The following TRIM24 variants were observed in gnomAD, a reference collection of about 807,000 sequenced individuals.
TRIM24 encodes the protein tripartite motif containing 24.
In TRIM24, 29 loss-of-function variants were observed where a neutral mutation model predicts 123.9. The observed-to-expected ratio is 0.23, with a 90% CI of 0.17 to 0.32. The LOEUF (loss-of-function observed/expected upper bound fraction) is 0.32, where lower values mean the gene tolerates loss of function less well. TRIM24 is among the 10% of genes least tolerant of loss of function. TRIM24 has a pLI of 1.00. For missense variants in TRIM24, 932 were observed against 1,295.3 expected (o/e 0.72, Z 4.31); for synonymous variants, 456 against 461.1 (o/e 0.99, Z 0.14).
At chr7:138,497,393 C>CTTTTTTTTTT (rs869232002) in intron 1 of TRIM24, among the ~76,000 whole-genome samples, 1 of 88,338 alleles carries the variant, frequency 1.1e-5, no homozygotes, top group Non-Finnish European at 2.1e-5. Flanking sequence ...ATTACAATTT[C>CTTTTTTTTTT]TTTTTTTTTT....
At chr7:138,528,536 T>C (rs1006222533) in intron 5 of TRIM24, among the ~76,000 whole-genome samples, 2 of 152,090 alleles carry the variant, frequency 1.3e-5, no homozygotes, top group African/African-American at 4.8e-5. Flanking sequence ...TTTTCTTTAA[T>C]TTCCCACCTC....
intron 7 of TRIM24, among the ~76,000 whole-genome samples, chr7:138,542,499 T>A (rs768711028): frequency 1.2e-4 from 18 of 152,166 alleles, no homozygotes; most frequent in Non-Finnish European, 1.8e-4. Flanking sequence ...ACAATCACTA[T>A]AACAGATTAT....
At chr7:138,491,028 T>C (rs2116498698) in intron 1 of TRIM24, 1 of 241,022 alleles carries the variant, frequency 4.1e-6, no homozygotes, top group Non-Finnish European at 8.2e-6. Flanking sequence ...GTGCCATTTT[T>C]TCACCCTGGA....
intron 9 of TRIM24, among the ~76,000 whole-genome samples, chr7:138,562,871 C>T (rs186542743): frequency 5.3e-5 from 8 of 152,272 alleles, no homozygotes; most frequent in Non-Finnish European, 1.0e-4. Flanking sequence ...GTCATATCCC[C>T]TTGTAGCCCA....
intron 1 of TRIM24, among the ~76,000 whole-genome samples, chr7:138,499,015 T>C (rs1795974333): frequency 6.6e-6 from 1 of 152,242 alleles, no homozygotes; most frequent in African/African-American, 2.4e-5. Flanking sequence ...CTGATTTTTC[T>C]GTCTACTGCT....
chr7:138,539,801 C>T (rs1389267656), intron 7 of TRIM24, among the ~76,000 whole-genome samples: 24 of 129,618 alleles, frequency 1.9e-4, no homozygotes, highest in African/African-American at 4.6e-4. Flanking sequence ...ATTAAGTAAT[C>T]TTTTTTTTTT....
chr7:138,491,912 AATG>A (rs1795794417), intron 1 of TRIM24, among the ~76,000 whole-genome samples: 1 of 151,088 alleles, frequency 6.6e-6, no homozygotes, highest in Non-Finnish European at 1.5e-5. Flanking sequence ...GCATTTCCCA[AATG>A]ATGTTGAAAA....
chr7:138,460,446 C>T lies in TRIM24; in HGVS notation c.-103C>T. On this transcript the variant is annotated 5_prime_UTR_variant, in exon 1 of 19. Coordinates refer to ENST00000343526, the MANE Select transcript of TRIM24 (RefSeq NM_015905.3). ...CCTCGCTGGCGCTGCCGCGAGTCCA[C>T]CGAGCGGCCTCTGAGGAGCAGCCGC... 1.7e-6 allele frequency: 2 copies of T among 1,182,586 alleles called. No individual in the cohort carries two copies. Among genetic ancestry groups the T allele is most frequent in the Admixed American group, 8.5e-5 (2 of 23,406 alleles). 73.3% of individuals were successfully genotyped at this position (1,182,586 alleles called of 1,614,324 possible). A position where few individuals can be genotyped will look rare whatever the true frequency, so the allele number is the denominator to read the frequency against.
At chr7:138,524,782 A>G (rs1317273295) in intron 4 of TRIM24, among the ~76,000 whole-genome samples, 1 of 152,138 alleles carries the variant, frequency 6.6e-6, no homozygotes, top group East Asian at 1.9e-4. Flanking sequence ...AAGGCATAAC[A>G]TCAAGAATTT....
intron 2 of TRIM24, 23 bp downstream of exon 2, chr7:138,504,431 C>A (rs1475093378): frequency 8.0e-6 from 7 of 878,574 alleles, no homozygotes; most frequent in Admixed American, 3.0e-5. Flanking sequence ...CATCTTGAAC[C>A]TTTTGCCTGC....
chr7:138,565,382 C>A (rs530188008), intron 9 of TRIM24, among the ~76,000 whole-genome samples: 1 of 152,180 alleles, frequency 6.6e-6, no homozygotes, highest in South Asian at 2.1e-4. Context: ...CGGGCTCAAA[C>A]CTTACCACAA....
chr7:138,583,447 C>G (rs1265100403), intron 17 of TRIM24, among the ~76,000 whole-genome samples: 1 of 152,048 alleles, frequency 6.6e-6, no homozygotes, highest in Non-Finnish European at 1.5e-5. Flanking sequence ...TGGCAAAACC[C>G]CATCTCTACA....
At chr7:138,490,531 T>C (rs956792396) in intron 1 of TRIM24, 32 of 202,724 alleles carry the variant, frequency 1.6e-4, no homozygotes, top group African/African-American at 7.1e-4. Context: ...CCTGGTAACC[T>C]CTTTTCTGCT....
intron 1 of TRIM24, among the ~76,000 whole-genome samples, chr7:138,465,347 C>T (rs1469859594): frequency 6.6e-6 from 1 of 152,088 alleles, no homozygotes; most frequent in African/African-American, 2.4e-5. Context: ...TTTTCTTTTA[C>T]GTATGTTAAG....
intron 1 of TRIM24, chr7:138,461,263 A>G: frequency 3.5e-6 from 2 of 576,204 alleles, no homozygotes; most frequent in African/African-American, 1.8e-5. Context: ...GCAGCCAGTT[A>G]ACTGCTACCC....
rs560774659 is a variant in TRIM24 at position 138,498,085 on chromosome 7, A to G, written c.365-6205A>G. On this transcript the variant is annotated intron_variant, in intron 1 of 18. Transcript: ENST00000343526. ...ACCTAGGCTGGGGTGCAGTGGCGCA[A>G]TCTCAGCTCACTGCAACCTCTGCCT... Among the ~76,000 whole-genome samples, 379 of 151,686 alleles carry G rather than the reference A, an allele frequency of 2.5e-3. 3 individuals carry two copies. Among genetic ancestry groups the G allele is most frequent in the Non-Finnish European group, 3.2e-3 (216 of 67,920 alleles).
intron 6 of TRIM24, among the ~76,000 whole-genome samples, chr7:138,531,304 G>C (rs193015870): frequency 1.4e-5 from 2 of 147,984 alleles, no homozygotes; most frequent in Admixed American, 1.3e-4. Context: ...TGCCATGTTC[G>C]TGTGCTGCAC....
chr7:138,526,049 C>G (rs1426772217), intron 5 of TRIM24, among the ~76,000 whole-genome samples: 2 of 152,168 alleles, frequency 1.3e-5, no homozygotes, highest in Non-Finnish European at 2.9e-5. Context: ...CCTATGAAAT[C>G]CCATGACCTC....
At chr7:138,580,950 A>G (rs1294157789) in intron 16 of TRIM24, among the ~76,000 whole-genome samples, 1 of 152,202 alleles carries the variant, frequency 6.6e-6, no homozygotes, top group Admixed American at 6.5e-5. Context: ...TAGACTTTTA[A>G]TCTACCTTAA....
Sources: allele counts gnomAD v4.1 joint callset (sites outside exome capture counted in the v4.1 genomes callset), GRCh38; gene constraint gnomAD v4.1.1; transcripts MANE v1.5; gene names NCBI Gene and HGNC (gene_info 2026-07-23, HGNC 2026-07-21).